ZNF701: variants seen among roughly 807,000 people sequenced by gnomAD.
ZNF701 encodes the protein zinc finger protein 701.
Under a neutral mutation model 7.1 loss-of-function variants are expected in ZNF701, and 6 were observed. The ratio of observed to expected loss-of-function variants is 0.84; its 90% confidence interval spans 0.46 to 1.66. The LOEUF (loss-of-function observed/expected upper bound fraction) is 1.66. Ranked by LOEUF, ZNF701 falls within the 40% of genes most tolerant of loss-of-function variation. The pLI is 0.01. For missense variants in ZNF701, 541 were observed against 559.2 expected, an observed-to-expected ratio of 0.97 and a Z score of 0.33; for synonymous variants, 166 against 188.2, an observed-to-expected ratio of 0.88 and a Z score of 0.97.
the ZNF701 span, chr19:52,596,637 G>T: frequency 2.3e-6 from 1 of 438,278 alleles, no homozygotes; most frequent in Non-Finnish European, 4.6e-6. Context: ...TTGTGACAAG[G>T]TTTTCCACCA....
chr19:52,571,971 G>C (rs945702040), intron 1 of ZNF701, among the ~76,000 whole-genome samples: 2 of 152,064 alleles, frequency 1.3e-5, no homozygotes, highest in Non-Finnish European at 2.9e-5. Context: ...TTACAGGCAT[G>C]TGCCACCACA....
intron 1 of ZNF701, among the ~76,000 whole-genome samples, chr19:52,571,217 G>C (rs1460919539): frequency 6.7e-6 from 1 of 149,298 alleles, no homozygotes; most frequent in East Asian, 2.1e-4. Flanking sequence ...GCAGCAAAGA[G>C]GGAGGCTCAT....
chr19:52,578,514 A>G (rs1300896416), intron 3 of ZNF701, among the ~76,000 whole-genome samples: 1 of 152,068 alleles, frequency 6.6e-6, no homozygotes, highest in Non-Finnish European at 1.5e-5. Flanking sequence ...CCCCAGGCCC[A>G]GCTGCTTTCT....
At chr19:52,578,622 C>T (rs1306975142) in intron 3 of ZNF701, among the ~76,000 whole-genome samples, 4 of 152,220 alleles carry the variant, frequency 2.6e-5, no homozygotes, top group Admixed American at 6.5e-5. Flanking sequence ...TACACCAAAG[C>T]GCTGCGATTA....
chr19:52,597,085 C>A, the ZNF701 span: 6 of 1,160,432 alleles, frequency 5.2e-6, no homozygotes, highest in South Asian at 7.2e-5. Context: ...GAAGACAGAT[C>A]TTACAAGTGT....
chr19:52,591,920 A>G (rs2060038480), downstream of ZNF701: 5 of 364,086 alleles, frequency 1.4e-5, no homozygotes, highest in East Asian at 5.4e-5. Flanking sequence ...TTTAAAATCT[A>G]TCAAGGAAAA....
intron 1 of ZNF701, among the ~76,000 whole-genome samples, chr19:52,573,371 C>A (rs1057345624): frequency 6.6e-6 from 1 of 152,166 alleles, no homozygotes; most frequent in Non-Finnish European, 1.5e-5. Context: ...TCCCGAGTAG[C>A]TGGGCTTACC....
chr19:52,581,722 CTT>C (rs2059976863), intron 3 of ZNF701, among the ~76,000 whole-genome samples: 1 of 152,182 alleles, frequency 6.6e-6, no homozygotes, highest in Admixed American at 6.5e-5. Flanking sequence ...TGCTATGATT[CTT>C]TGACAATACA....
intron 2 of ZNF701, chr19:52,575,692 C>G: frequency 4.9e-6 from 2 of 404,462 alleles, no homozygotes; most frequent in Middle Eastern, 1.5e-3. Flanking sequence ...GTAAGCAATT[C>G]ATACTGAGAG....
chr19:52,581,905 G>C (rs2059977935), intron 3 of ZNF701, among the ~76,000 whole-genome samples: 1 of 152,044 alleles, frequency 6.6e-6, no homozygotes, highest in South Asian at 2.1e-4. Context: ...CTTTTGCAAA[G>C]TGTGATACAC....
intron 3 of ZNF701, among the ~76,000 whole-genome samples, chr19:52,578,375 G>T (rs796725312): frequency 1.8e-4 from 27 of 151,502 alleles, no homozygotes; most frequent in African/African-American, 5.3e-4. Context: ...CACGTGACTT[G>T]CTTCACCTTA....
intron 3 of ZNF701, 102 bp from the exon 4 acceptor site, chr19:52,582,100 G>A: frequency 9.7e-7 from 1 of 1,029,178 alleles, no homozygotes. Flanking sequence ...TCATGTTTGG[G>A]AAGTTTAAAA....
At chr19:52,579,292 C>T (rs563125633) in intron 3 of ZNF701, among the ~76,000 whole-genome samples, 1 of 140,754 alleles carries the variant, frequency 7.1e-6, no homozygotes, top group South Asian at 2.1e-4. Flanking sequence ...TTTGGGAGGC[C>T]AAGGCGGGTG....
At chr19:52,593,162 G>C in the ZNF701 span, among the ~76,000 whole-genome samples, 2 of 117,956 alleles carry the variant, frequency 1.7e-5, 1 homozygote, top group South Asian at 5.6e-4. Context: ...AAAATGAAAA[G>C]TCTCCCATGT....
Position 52,582,608 on chromosome 19 carries a change from G to A in ZNF701, c.549G>A (p.Arg183=), listed in dbSNP as rs757277365. 2 of 1,613,968 alleles carry A rather than the reference G, an allele frequency of 1.2e-6. No individual in the cohort carries two copies. Among genetic ancestry groups the A allele is most frequent in the East Asian group, 4.5e-5 (2 of 44,890 alleles). ...CAGCATCCCAACGAATTTCCTGTAG[G>A]CCAAAAACTCGTATTTCTAATAAGT... ...SVSASQRISC[R]PKTRISNKYR... The change falls in exon 4 of 4, where the codon AGG becomes AGA. Residue 183 remains arginine, a synonymous_variant. Transcript: ENST00000391785.
At chr19:52,588,508 A>T, downstream of ZNF701, 1 of 281,900 alleles carries the variant, frequency 3.5e-6, no homozygotes, top group Non-Finnish European at 7.1e-6. Context: ...AGAAAAATTA[A>T]ATCTCATATT....
downstream of ZNF701, chr19:52,592,096 T>A (rs1422582743): frequency 6.8e-6 from 7 of 1,029,902 alleles, no homozygotes; most frequent in Admixed American, 1.0e-4. Context: ...CTGTCTTTCA[T>A]TTTAGGGACA....
downstream of ZNF701, among the ~76,000 whole-genome samples, chr19:52,590,528 C>T (rs1171763325): frequency 1.3e-5 from 2 of 152,132 alleles, no homozygotes; most frequent in Non-Finnish European, 2.9e-5. Context: ...GGTTGACCTT[C>T]TCATTTTCTT....
the ZNF701 span, among the ~76,000 whole-genome samples, chr19:52,593,412 AC>A: frequency 9.4e-6 from 1 of 106,758 alleles, no homozygotes; most frequent in African/African-American, 3.7e-5. Context: ...CGGGGGGCTG[AC>A]CCCCCCACCT....
Sources: gnomAD v4.1 joint callset for allele counts (sites outside exome capture counted in the v4.1 genomes callset) on GRCh38, gnomAD v4.1.1 for gene constraint, MANE v1.5 for transcripts, NCBI Gene and HGNC (gene_info 2026-07-23, HGNC 2026-07-21) for gene names.